The following ERC2 variants were observed in gnomAD, a reference collection of about 807,000 sequenced individuals.
ERC2 encodes ELKS/RAB6-interacting/CAST family member 2.
In ERC2, 42 loss-of-function variants were observed where a neutral mutation model predicts 114.8. That is an observed-to-expected ratio of 0.37 (90% CI 0.29 to 0.47). ERC2 has a LOEUF of 0.47. ERC2 is among the 20% of genes least tolerant of loss of function. ERC2 has a pLI of 0.99. For missense variants in ERC2, 939 were observed against 1,150.7 expected, an observed-to-expected ratio of 0.82 and a Z score of 2.66; for synonymous variants, 454 against 425.5, an observed-to-expected ratio of 1.07 and a Z score of -0.82.
At chr3:56,190,971 A>G (rs932869454) in intron 3 of ERC2, among the ~76,000 whole-genome samples, 4 of 152,188 alleles carry the variant, frequency 2.6e-5, no homozygotes, top group African/African-American at 7.2e-5. Flanking sequence ...AAGATAAGTC[A>G]ATGCAGGAAG....
intron 13 of ERC2, among the ~76,000 whole-genome samples, chr3:55,891,810 C>T (rs1400026088): frequency 1.3e-5 from 2 of 152,144 alleles, no homozygotes; most frequent in African/African-American, 2.4e-5. Flanking sequence ...GAGGAAAGTG[C>T]TTGTTATTCT....
At chr3:56,421,408 G>A (rs1445726692) in intron 2 of ERC2, among the ~76,000 whole-genome samples, 2 of 152,120 alleles carry the variant, frequency 1.3e-5, no homozygotes, top group East Asian at 1.9e-4. Context: ...CTTTTCCATA[G>A]CTCTGCTGAG....
chr3:56,041,121 G>T (rs910222420), intron 7 of ERC2, among the ~76,000 whole-genome samples: 2 of 151,852 alleles, frequency 1.3e-5, no homozygotes, highest in African/African-American at 4.8e-5. Flanking sequence ...AGGTTTCTTG[G>T]TATAATGGGT....
chr3:56,458,220 G>A (rs550507919), intron 1 of ERC2, among the ~76,000 whole-genome samples: 5 of 152,162 alleles, frequency 3.3e-5, no homozygotes, highest in Non-Finnish European at 7.3e-5. Context: ...ACCTTTGCAT[G>A]AAGAAACTGT....
At chr3:55,812,821 T>C (rs1209650560) in intron 14 of ERC2, among the ~76,000 whole-genome samples, 1 of 152,240 alleles carries the variant, frequency 6.6e-6, no homozygotes, top group Non-Finnish European at 1.5e-5. Context: ...CTTGGTGTGA[T>C]GGTCAGTTTG....
intron 14 of ERC2, among the ~76,000 whole-genome samples, chr3:55,834,355 T>G (rs1176877919): frequency 1.3e-5 from 2 of 152,118 alleles, no homozygotes; most frequent in Admixed American, 6.5e-5. Context: ...ACCACACAGT[T>G]GGAAGTAAAG....
At chr3:55,687,920 C>G (rs1201201278) in intron 16 of ERC2, among the ~76,000 whole-genome samples, 2 of 152,200 alleles carry the variant, frequency 1.3e-5, no homozygotes, top group Non-Finnish European at 1.5e-5. Flanking sequence ...GGGCACCGAG[C>G]CTCATCAGGG....
intron 3 of ERC2, among the ~76,000 whole-genome samples, chr3:56,293,839 T>C (rs1164130047): frequency 6.6e-6 from 1 of 152,190 alleles, no homozygotes; most frequent in Non-Finnish European, 1.5e-5. Flanking sequence ...GAATTGTGTT[T>C]AGATTCATTT....
intron 3 of ERC2, among the ~76,000 whole-genome samples, chr3:56,269,444 T>A (rs2053519679): frequency 6.6e-6 from 1 of 152,186 alleles, no homozygotes; most frequent in Non-Finnish European, 1.5e-5. Flanking sequence ...CTCCTCTGCA[T>A]AATTTTAACA....
chr3:56,313,093 A>C (rs1423548532), intron 2 of ERC2, among the ~76,000 whole-genome samples: 1 of 142,470 alleles, frequency 7.0e-6, no homozygotes, highest in African/African-American at 2.6e-5. Context: ...ATACCCCATA[A>C]ACAAAAATGT....
At chr3:55,696,682 A>C (rs1346833189) in intron 16 of ERC2, among the ~76,000 whole-genome samples, 1 of 152,198 alleles carries the variant, frequency 6.6e-6, no homozygotes, top group Non-Finnish European at 1.5e-5. Context: ...TCTGGGACTT[A>C]GATTTATAAC....
intron 7 of ERC2, among the ~76,000 whole-genome samples, chr3:56,080,095 A>G (rs2077160453): frequency 6.6e-6 from 1 of 152,096 alleles, no homozygotes; most frequent in Non-Finnish European, 1.5e-5. Context: ...TTTTTTTTGT[A>G]AAAGAGCAGC....
At chr3:55,719,672 C>T (rs1316056401) in intron 15 of ERC2, among the ~76,000 whole-genome samples, 1 of 152,102 alleles carries the variant, frequency 6.6e-6, no homozygotes, top group Non-Finnish European at 1.5e-5. Flanking sequence ...GTGTCTGGTT[C>T]ATAAAAAATA....
At chr3:55,799,412 T>TTATATATATGCATATATATGCCTTA (rs2070808406) in intron 14 of ERC2, among the ~76,000 whole-genome samples, 3 of 107,070 alleles carry the variant, frequency 2.8e-5, no homozygotes, top group African/African-American at 1.5e-4. Context: ...TATATATGCC[T>TTATATATATGCATATATATGCCTTA]TATATATATG....
At chr3:56,150,173 C>A (rs1243331676) in intron 4 of ERC2, among the ~76,000 whole-genome samples, 4 of 152,030 alleles carry the variant, frequency 2.6e-5, no homozygotes, top group Admixed American at 2.6e-4. Context: ...ACTTTTTTAA[C>A]CAATTCATTT....
chr3:55,861,410 C>T (rs190886485), intron 14 of ERC2, among the ~76,000 whole-genome samples: 22 of 152,308 alleles, frequency 1.4e-4, no homozygotes, highest in Admixed American at 1.4e-3. Flanking sequence ...CCTTAGAATG[C>T]CCCTAGACAA....
intron 3 of ERC2, 69 bp downstream of exon 3, chr3:56,295,950 G>A: frequency 1.4e-6 from 2 of 1,463,138 alleles, no homozygotes; most frequent in Non-Finnish European, 1.8e-6. Flanking sequence ...TCCAACCTGT[G>A]AAAATAACTT....
At chr3:55,655,122 G>A (rs934589618) in intron 17 of ERC2, among the ~76,000 whole-genome samples, 1 of 152,154 alleles carries the variant, frequency 6.6e-6, no homozygotes. Context: ...CACCCCTAAA[G>A]TGGGATGACT....
At chr3:56,404,221 CAATT>C (rs1330041755) in intron 2 of ERC2, among the ~76,000 whole-genome samples, 7 of 152,294 alleles carry the variant, frequency 4.6e-5, no homozygotes, top group Non-Finnish European at 1.0e-4. Context: ...TTTTGTAAAT[CAATT>C]AATATTATTT....
Sources: gnomAD v4.1 joint callset for allele counts (sites outside exome capture counted in the v4.1 genomes callset) on GRCh38, gnomAD v4.1.1 for gene constraint, MANE v1.5 for transcripts, NCBI Gene and HGNC (gene_info 2026-07-23, HGNC 2026-07-21) for gene names.